The following PLCG2 variants were observed in gnomAD, a reference collection of about 807,000 sequenced individuals.
PLCG2 encodes the protein 1-phosphatidylinositol 4,5-bisphosphate phosphodiesterase gamma-2.
Under a neutral mutation model 175.6 loss-of-function variants are expected in PLCG2, and 69 were observed. The observed-to-expected ratio is 0.39, with a 90% CI of 0.32 to 0.48. The LOEUF (loss-of-function observed/expected upper bound fraction) is 0.48, where lower values mean the gene tolerates loss of function less well. PLCG2 is among the 20% of genes least tolerant of loss of function. PLCG2 has a pLI of 0.91. For missense variants in PLCG2, 1,798 were observed against 1,650.9 expected (o/e 1.09, Z -1.54); for synonymous variants, 827 against 624.0 (o/e 1.33, Z -4.85).
rs78454823 is a variant in PLCG2 at position 81,802,404 on chromosome 16, G to T, written c.193+16222G>T. Among the ~76,000 whole-genome samples the T allele has an allele frequency of 2.6e-3, 390 of 151,822 alleles. 2 individuals carry two copies. The highest frequency in any genetic ancestry group is 8.9e-3 in the African/African-American group (368 of 41,408). Reference sequence around the variant, plus strand: ...TGGGATTACAGGCGTGAGCCACCGCGCCCGGCCTCAGGTGGGTACAGTCTT... The same window carrying T: ...TGGGATTACAGGCGTGAGCCACCGCTCCCGGCCTCAGGTGGGTACAGTCTT... On this transcript the variant is annotated intron_variant, in intron 2 of 32. Transcript: ENST00000564138.
chr16:81,853,261 G>A (rs1906510919), intron 2 of PLCG2, among the ~76,000 whole-genome samples: 1 of 151,906 alleles, frequency 6.6e-6, no homozygotes, highest in Non-Finnish European at 1.5e-5. Flanking sequence ...AACCTGGGAG[G>A]CAGACGTTGC....
In PLCG2 at chr16:81,740,780, C is replaced by T. The variant is rs112977746; in HGVS notation, c.-145+1395C>T. Reference sequence around the variant, plus strand: ...AAAAAACCGAAACCAAACCAAAACACAACCAAAGCTTCCTCTTCCCACTGT... The same window carrying T: ...AAAAAACCGAAACCAAACCAAAACATAACCAAAGCTTCCTCTTCCCACTGT... On this transcript the variant is annotated intron_variant, in intron 1 of 5. Transcript: ENST00000565054. Among the ~76,000 whole-genome samples the T allele has an allele frequency of 4.7e-3, 463 of 98,334 alleles. 3 individuals are homozygous for T. The highest frequency in any genetic ancestry group is 0.017 in the African/African-American group (443 of 25,354). 64.5% of individuals were successfully genotyped at this position (98,334 alleles called of 152,430 possible).
At chr16:81,903,428 G>A (rs983145254) in intron 14 of PLCG2, among the ~76,000 whole-genome samples, 1 of 152,244 alleles carries the variant, frequency 6.6e-6, no homozygotes, top group Non-Finnish European at 1.5e-5. Context: ...TGCACGGGGA[G>A]TGTTTGGCCA....
chr16:81,955,048 G>A (rs145051797), intron 31 of PLCG2, among the ~76,000 whole-genome samples: 3 of 152,278 alleles, frequency 2.0e-5, no homozygotes, highest in African/African-American at 7.2e-5. Context: ...AGGGAGGAAA[G>A]TCATTACTAA....
intron 2 of PLCG2, among the ~76,000 whole-genome samples, chr16:81,791,548 C>T (rs1201660203): frequency 1.3e-5 from 2 of 152,132 alleles, no homozygotes; most frequent in Non-Finnish European, 2.9e-5. Context: ...GGCTGGAAGA[C>T]TGAGCTTAGC....
At chr16:81,781,078 ACAG>A (rs1371605306) in intron 1 of PLCG2, among the ~76,000 whole-genome samples, 1 of 149,132 alleles carries the variant, frequency 6.7e-6, no homozygotes, top group Non-Finnish European at 1.5e-5. Context: ...AATTTAGAAA[ACAG>A]CAAGAACACA....
At chr16:81,936,961 C>T (rs1438690035) in intron 27 of PLCG2, among the ~76,000 whole-genome samples, 3 of 152,170 alleles carry the variant, frequency 2.0e-5, no homozygotes, top group African/African-American at 7.2e-5. Flanking sequence ...AGGTATTCCC[C>T]ATTATTTGCT....
chr16:81,946,417 T>C (rs771520642), intron 31 of PLCG2, among the ~76,000 whole-genome samples, 154 bp downstream of exon 31: 7 of 152,158 alleles, frequency 4.6e-5, no homozygotes, highest in Non-Finnish European at 1.0e-4. Flanking sequence ...TTTTTGCTAA[T>C]TCCCCAGAGT....
At chr16:81,834,591 A>AGCTGCTGCT (rs112113666) in intron 2 of PLCG2, among the ~76,000 whole-genome samples, 21,972 of 151,284 alleles carry the variant, frequency 0.15, 1,732 homozygotes, top group Middle Eastern at 0.24. Flanking sequence ...GGATCTGCAG[A>AGCTGCTGCT]GCTGCTGCTG....
At chr16:81,823,781 C>T (rs866768475) in intron 2 of PLCG2, among the ~76,000 whole-genome samples, 5 of 151,848 alleles carry the variant, frequency 3.3e-5, no homozygotes, top group Admixed American at 2.0e-4. Flanking sequence ...CCCCTGACCT[C>T]GGTGTCCCAA....
At chr16:81,923,176 C>G (rs985825792) in intron 21 of PLCG2, among the ~76,000 whole-genome samples, 1 of 152,118 alleles carries the variant, frequency 6.6e-6, no homozygotes, top group Non-Finnish European at 1.5e-5. Context: ...CACTCCCACC[C>G]TAACCCTAAG....
chr16:81,892,630 A>C (rs1908689844), intron 11 of PLCG2, among the ~76,000 whole-genome samples: 1 of 150,616 alleles, frequency 6.6e-6, no homozygotes, highest in South Asian at 2.1e-4. Context: ...AAAACCTAGA[A>C]GACAGTTAAG....
intron 2 of PLCG2, among the ~76,000 whole-genome samples, chr16:81,848,602 G>T (rs77002365): frequency 0.047 from 7,219 of 152,102 alleles, 245 homozygotes; most frequent in Non-Finnish European, 0.073. Flanking sequence ...CTCCTCCTCT[G>T]TCCTTCTTCC....
chr16:81,751,228 G>C (rs867346073), intron 1 of PLCG2, among the ~76,000 whole-genome samples: 20 of 150,868 alleles, frequency 1.3e-4, no homozygotes, highest in Admixed American at 1.1e-3. Context: ...TGATCCACCT[G>C]CCTCAGCCTC....
At position 81,761,240 on chromosome 16, in the gene PLCG2, T is replaced by C. The variant is rs540344048; in HGVS notation, c.-48+5274T>C. Among the ~76,000 whole-genome samples, 5 of 152,172 alleles carry C rather than the reference T, an allele frequency of 3.3e-5. No individual in the cohort carries two copies. The South Asian group carries it at 1.0e-3, about 32-fold the overall frequency. On this transcript the variant is annotated intron_variant, in intron 2 of 5. Coordinates refer to the PLCG2 transcript ENST00000565054. ...GTTAGCTGGGTGTGGTTGTGCATAC[T>C]TGTAGTCCTAGCTACTCAGAAGGCT...
At chr16:81,796,095 A>G (rs753036567) in intron 2 of PLCG2, among the ~76,000 whole-genome samples, 2 of 152,138 alleles carry the variant, frequency 1.3e-5, no homozygotes, top group Non-Finnish European at 2.9e-5. Context: ...AATCCAGGAG[A>G]ATGAACAGTC....
At position 81,961,575 on chromosome 16, in the gene PLCG2, G is replaced by C. The variant is rs1911777756; in HGVS notation, c.*3577G>C. The stretch of plus-strand genomic sequence containing the variant: ...TTTATTAGGCTAAAATTTTGAGGGA[G>C]AAGTGGTATGAAAATACAAATTCAA... On this transcript the variant is annotated 3_prime_UTR_variant, in exon 33 of 33. Coordinates refer to ENST00000564138, the MANE Select transcript of PLCG2 (RefSeq NM_002661.5). 1 of 216,050 alleles carries C rather than the reference G, an allele frequency of 4.6e-6. No individual in the cohort carries two copies. Among genetic ancestry groups the C allele is most frequent in the Non-Finnish European group, 9.3e-6 (1 of 107,532 alleles). 13.4% of individuals were successfully genotyped at this position (216,050 alleles called of 1,614,324 possible).
intron 2 of PLCG2, among the ~76,000 whole-genome samples, chr16:81,853,760 T>C (rs1007517461): frequency 1.3e-5 from 2 of 152,146 alleles, no homozygotes; most frequent in African/African-American, 4.8e-5. Flanking sequence ...GAAGGGCAGC[T>C]GGCTATATAA....
At chr16:81,768,622 A>G (rs1253839640) in intron 2 of PLCG2, among the ~76,000 whole-genome samples, 2 of 141,608 alleles carry the variant, frequency 1.4e-5, no homozygotes, top group South Asian at 2.2e-4. Context: ...CTGGAGTGCA[A>G]TGGTGCGATC....
Sources: gnomAD v4.1 joint callset for allele counts (sites outside exome capture counted in the v4.1 genomes callset) on GRCh38, gnomAD v4.1.1 for gene constraint, MANE v1.5 for transcripts, NCBI Gene and HGNC (gene_info 2026-07-23, HGNC 2026-07-21) for gene names.